Variants in LBP observed in about 807,000 individuals in gnomAD.
LBP encodes lipopolysaccharide binding protein.
A neutral mutation model predicts 56.6 loss-of-function variants in LBP; 53 were observed. The observed-to-expected ratio is 0.94, with a 90% CI of 0.75 to 1.18. The LOEUF (loss-of-function observed/expected upper bound fraction) is 1.18, where lower values mean the gene tolerates loss of function less well. Among genes scored for constraint, LBP ranks in the 50% most tolerant of loss-of-function variants. The pLI, the probability that LBP is intolerant of heterozygous loss-of-function variation, is 0.00. For synonymous variants in LBP, 227 were observed against 247.5 expected (o/e 0.92, Z 0.78); for missense variants, 601 against 598.3 (o/e 1.00, Z -0.05).
intron 14 of LBP, among the ~76,000 whole-genome samples, chr20:38,374,849 T>A (rs1163750764): frequency 1.3e-5 from 2 of 149,012 alleles, no homozygotes; most frequent in Non-Finnish European, 3.0e-5. Flanking sequence ...AGTGGTGCGA[T>A]CTTGGCTTAC....
chr20:38,373,233 A>G (rs2076906832), intron 13 of LBP, 98 bp downstream of exon 13: 2 of 1,035,662 alleles, frequency 1.9e-6, no homozygotes, highest in Non-Finnish European at 3.0e-6. Context: ...TGGGGGCTGT[A>G]TGACCGTGGG....
chr20:38,348,746 AAGTTTAGTTTAGTTTAGTTT>A (rs375624891), intron 1 of LBP, among the ~76,000 whole-genome samples: 1 of 137,038 alleles, frequency 7.3e-6, no homozygotes, highest in African/African-American at 2.7e-5. Flanking sequence ...CCAATGAGGA[AAGTTTAGTTTAGTTTAGTTT>A]AGTTTAGTTT....
At chr20:38,361,483 C>T (rs965048412) in intron 6 of LBP, among the ~76,000 whole-genome samples, 5 of 152,058 alleles carry the variant, frequency 3.3e-5, no homozygotes. Flanking sequence ...CGGCTCACTG[C>T]AGCCTCAAAC....
At chr20:38,355,480 G>A in intron 5 of LBP, 71 bp downstream of exon 5, 2 of 1,356,972 alleles carry the variant, frequency 1.5e-6, no homozygotes, top group East Asian at 2.3e-5. Flanking sequence ...ACTGACCAAT[G>A]GCCCTGGACC....
chr20:38,363,301 G>A (rs1260808078), intron 6 of LBP, among the ~76,000 whole-genome samples: 1 of 152,204 alleles, frequency 6.6e-6, no homozygotes, highest in South Asian at 2.1e-4. Flanking sequence ...CAGCCGTGTA[G>A]TGTTCCATCA....
intron 5 of LBP, among the ~76,000 whole-genome samples, chr20:38,358,058 G>A (rs2076847505): frequency 6.6e-6 from 1 of 152,108 alleles, no homozygotes. Context: ...TACCAGTCCT[G>A]CTGACCTCCT....
At chr20:38,348,182 C>T (rs1036099438) in intron 1 of LBP, among the ~76,000 whole-genome samples, 4 of 152,198 alleles carry the variant, frequency 2.6e-5, no homozygotes, top group Non-Finnish European at 5.9e-5. Context: ...GATCTCGGAA[C>T]AGTGGGACCT....
intron 6 of LBP, among the ~76,000 whole-genome samples, chr20:38,361,795 T>C (rs546721604): frequency 4.0e-4 from 61 of 151,822 alleles, no homozygotes; most frequent in South Asian, 1.3e-3. Context: ...TTTACATGCA[T>C]GTAACCAGCT....
rs570866276 is a variant in LBP at position 38,361,354 on chromosome 20, T to C, written c.652+587T>C. ...TATTTTGTTCATGAATCTATGTGTATATGTATTATTTTAAATATATATGTT... is the reference window on the plus strand; with the variant it reads ...TATTTTGTTCATGAATCTATGTGTACATGTATTATTTTAAATATATATGTT... On this transcript the variant is annotated intron_variant, in intron 6 of 14. Coordinates refer to ENST00000217407, the MANE Select transcript of LBP (RefSeq NM_004139.5). Among the ~76,000 whole-genome samples the C allele has an allele frequency of 5.3e-5, 8 of 152,326 alleles. No homozygotes were observed. In the East Asian group the frequency reaches 1.5e-3, roughly 29 times the overall value.
chr20:38,360,794 A>T (rs776261230), intron 6 of LBP, 27 bp downstream of exon 6: 4 of 1,549,382 alleles, frequency 2.6e-6, no homozygotes, highest in Non-Finnish European at 3.6e-6. Context: ...ATCCCGGGAC[A>T]CTTTTATTTC....
intron 8 of LBP, among the ~76,000 whole-genome samples, chr20:38,366,298 G>C (rs768017660): frequency 6.6e-6 from 1 of 152,138 alleles, no homozygotes; most frequent in Non-Finnish European, 1.5e-5. Context: ...ATCCTACTGC[G>C]GCACGGGCCT....
intron 10 of LBP, among the ~76,000 whole-genome samples, chr20:38,370,057 T>C (rs2076895817): frequency 4.6e-5 from 7 of 152,102 alleles, no homozygotes; most frequent in Admixed American, 4.6e-4. Flanking sequence ...AAAAGTGTCA[T>C]TATTAATATA....
At chr20:38,357,451 G>A (rs766600865) in intron 5 of LBP, among the ~76,000 whole-genome samples, 8 of 152,298 alleles carry the variant, frequency 5.3e-5, no homozygotes, top group Non-Finnish European at 1.0e-4. Flanking sequence ...GTGGGATGTG[G>A]TACCTGGACC....
intron 14 of LBP, among the ~76,000 whole-genome samples, chr20:38,375,266 CT>C (rs796159055): frequency 2.0e-5 from 3 of 150,262 alleles, no homozygotes; most frequent in Admixed American, 6.6e-5. Context: ...CTTTCTTTCC[CT>C]TTTTTTTTAA....
chr20:38,362,769 G>A (rs911236985), intron 6 of LBP, among the ~76,000 whole-genome samples: 10 of 151,876 alleles, frequency 6.6e-5, no homozygotes, highest in African/African-American at 1.2e-4. Flanking sequence ...GCAACATAGC[G>A]AAACCCCATC....
chr20:38,369,120 C>T lies in LBP; in HGVS notation c.1107C>T (p.Leu369=). ...DPYMEIDAFV[L]LPSSSKEPVF... ...ATATGGAGATAGATGCCTTTGTGCT[C>T]CTGCCCAGCTCCAGCAAGGAGCCTG... Residue 369 remains leucine (L), a synonymous_variant, in exon 10 of 15, where the codon CTC becomes CTT. Transcript: ENST00000217407. The T allele has an allele frequency of 1.2e-6, 2 of 1,614,158 alleles. No individual in the cohort carries two copies. The highest frequency in any genetic ancestry group is 1.7e-6 in the Non-Finnish European group (2 of 1,180,030).
intron 10 of LBP, among the ~76,000 whole-genome samples, chr20:38,370,193 G>A (rs937853315): frequency 2.6e-5 from 4 of 152,078 alleles, no homozygotes; most frequent in African/African-American, 4.8e-5. Flanking sequence ...GGGCAACACA[G>A]CAAGACTCCA....
chr20:38,369,228 T>G (rs963680617), intron 10 of LBP, 66 bp downstream of exon 10: 1 of 1,474,694 alleles, frequency 6.8e-7, no homozygotes, highest in African/African-American at 1.4e-5. Context: ...TTTCCCCACA[T>G]GCTTTTCTCC....
Position 38,349,598 on chromosome 20 carries a change from C to T in LBP, c.175C>T (p.Leu59=). ...ALQSELLRIT[L]PDFTGDLRIP... ...GCAGAGTGAGCTGCTCAGGATCACG[C>T]TGCCTGACTTCACCGGGGACTTGAG... Residue 59 remains leucine, a synonymous_variant, in exon 2 of 15, where the codon CTG becomes TTG. Transcript: ENST00000217407. 1 of 1,612,048 alleles carries T rather than the reference C, an allele frequency of 6.2e-7. No individual in the cohort carries two copies. The highest frequency in any genetic ancestry group is 2.2e-5 in the East Asian group (1 of 44,840).
Sources: allele counts gnomAD v4.1 joint callset (sites outside exome capture counted in the v4.1 genomes callset), GRCh38; gene constraint gnomAD v4.1.1; transcripts MANE v1.5; gene names NCBI Gene and HGNC (gene_info 2026-07-23, HGNC 2026-07-21).